CNTNAP2: variants seen among roughly 807,000 people sequenced by gnomAD.
The protein encoded by CNTNAP2 is contactin-associated protein-like 2.
In CNTNAP2, 98 loss-of-function variants were observed where a neutral mutation model predicts 155.2. That is an observed-to-expected ratio of 0.63 (90% CI 0.54 to 0.75). The LOEUF is 0.75. Ranked by LOEUF, CNTNAP2 falls within the 30% of genes least tolerant of loss-of-function variation. The pLI is 0.00. For synonymous variants in CNTNAP2, 651 were observed against 631.2 expected, an observed-to-expected ratio of 1.03 and a Z score of -0.47; for missense variants, 1,727 against 1,688.1, an observed-to-expected ratio of 1.02 and a Z score of -0.40.
intron 1 of CNTNAP2, among the ~76,000 whole-genome samples, chr7:146,567,968 G>C (rs1379378567): frequency 1.3e-5 from 2 of 152,116 alleles, no homozygotes; most frequent in East Asian, 3.8e-4. Flanking sequence ...ATATATTAAA[G>C]TGTTTTTCAA....
intron 3 of CNTNAP2, among the ~76,000 whole-genome samples, chr7:147,019,445 A>G (rs1041950609): frequency 2.6e-5 from 4 of 152,076 alleles, no homozygotes; most frequent in Non-Finnish European, 5.9e-5. Flanking sequence ...AAACAAACAC[A>G]AAGTAAATTC....
At chr7:146,974,962 A>G (rs1327730111) in intron 3 of CNTNAP2, among the ~76,000 whole-genome samples, 1 of 152,042 alleles carries the variant, frequency 6.6e-6, no homozygotes, top group East Asian at 1.9e-4. Flanking sequence ...ACAGAGAGAG[A>G]CTCTATCTAA....
At chr7:146,309,225 T>C (rs1346765212) in intron 1 of CNTNAP2, among the ~76,000 whole-genome samples, 4 of 152,142 alleles carry the variant, frequency 2.6e-5, no homozygotes, top group African/African-American at 7.2e-5. Flanking sequence ...GAGCGAGTCA[T>C]TTTGAAGGAT....
chr7:147,372,001 C>T (rs144576791), intron 9 of CNTNAP2, among the ~76,000 whole-genome samples: 132 of 152,144 alleles, frequency 8.7e-4, no homozygotes, highest in African/African-American at 3.2e-3. Flanking sequence ...AGTACGGTAG[C>T]CACCACAAAG....
intron 3 of CNTNAP2, among the ~76,000 whole-genome samples, chr7:146,923,384 T>C (rs1465721144): frequency 1.3e-5 from 2 of 152,172 alleles, no homozygotes; most frequent in Non-Finnish European, 2.9e-5. Context: ...TCTCTGCTAT[T>C]ATACAGCATT....
intron 1 of CNTNAP2, among the ~76,000 whole-genome samples, chr7:146,633,506 A>G (rs891716731): frequency 2.6e-5 from 4 of 152,168 alleles, no homozygotes; most frequent in South Asian, 2.1e-4. Context: ...CACAAGCTCC[A>G]TAACAGGCCA....
At chr7:147,264,968 G>A (rs1804573703) in intron 8 of CNTNAP2, among the ~76,000 whole-genome samples, 1 of 152,042 alleles carries the variant, frequency 6.6e-6, no homozygotes, top group Admixed American at 6.5e-5. Context: ...TAAGCCTTCT[G>A]CGAAGTTCAA....
chr7:146,393,886 A>G (rs1411812042), intron 1 of CNTNAP2, among the ~76,000 whole-genome samples: 1 of 152,166 alleles, frequency 6.6e-6, no homozygotes, highest in East Asian at 1.9e-4. Context: ...TGTAGCCTCC[A>G]TATTTTGTTC....
At chr7:146,393,744 T>A (rs1211589777) in intron 1 of CNTNAP2, among the ~76,000 whole-genome samples, 1 of 113,138 alleles carries the variant, frequency 8.8e-6, no homozygotes, top group African/African-American at 4.2e-5. Flanking sequence ...CATTTAATCA[T>A]TTTTTTTTTC....
intron 3 of CNTNAP2, among the ~76,000 whole-genome samples, chr7:146,856,298 A>G (rs1213319514): frequency 3.8e-5 from 4 of 104,538 alleles, no homozygotes; most frequent in African/African-American, 2.2e-4. Context: ...AGATAGATAG[A>G]TACATACATA....
intron 8 of CNTNAP2, among the ~76,000 whole-genome samples, chr7:147,254,327 A>C (rs754786541): frequency 1.6e-4 from 25 of 152,186 alleles, no homozygotes; most frequent in Admixed American, 7.2e-4. Flanking sequence ...ATTACATCAG[A>C]ATGACAAAAA....
intron 1 of CNTNAP2, among the ~76,000 whole-genome samples, chr7:146,483,266 A>C (rs1584945753): frequency 1.9e-5 from 2 of 106,468 alleles, no homozygotes; most frequent in Admixed American, 1.1e-4. Flanking sequence ...ACAGAGCAAG[A>C]CTCCGTCTAA....
chr7:146,475,010 C>CGT (rs1322003740), intron 1 of CNTNAP2, among the ~76,000 whole-genome samples: 7 of 129,958 alleles, frequency 5.4e-5, no homozygotes, highest in Admixed American at 8.4e-5. Context: ...CGCGCGCGCG[C>CGT]GCGCACACAC....
chr7:148,228,413 G>C (rs552797421), intron 19 of CNTNAP2, among the ~76,000 whole-genome samples: 1 of 152,134 alleles, frequency 6.6e-6, no homozygotes, highest in Non-Finnish European at 1.5e-5. Context: ...AGGGCAAAAA[G>C]GGACTCAGGG....
intron 1 of CNTNAP2, among the ~76,000 whole-genome samples, chr7:146,403,520 T>C (rs1463927034): frequency 6.6e-6 from 1 of 152,178 alleles, no homozygotes; most frequent in African/African-American, 2.4e-5. Context: ...TTTGATCAGT[T>C]TCTAATTAAT....
intron 13 of CNTNAP2, among the ~76,000 whole-genome samples, chr7:147,797,860 C>T (rs1006763716): frequency 6.6e-6 from 1 of 151,994 alleles, no homozygotes; most frequent in Non-Finnish European, 1.5e-5. Context: ...AACACTAAAA[C>T]AAATAGATTA....
chr7:147,921,928 G>C (rs956400628), intron 14 of CNTNAP2, among the ~76,000 whole-genome samples: 2 of 152,182 alleles, frequency 1.3e-5, no homozygotes, highest in African/African-American at 4.8e-5. Flanking sequence ...GCTGAGACAT[G>C]TGGTGGGATT....
intron 3 of CNTNAP2, among the ~76,000 whole-genome samples, chr7:146,901,790 C>T (rs1268456970): frequency 6.6e-6 from 1 of 150,898 alleles, no homozygotes; most frequent in East Asian, 1.9e-4. Flanking sequence ...GTTTATTCTT[C>T]TACTTTTACT....
chr7:147,450,234 C>T (rs1250606673), intron 10 of CNTNAP2, among the ~76,000 whole-genome samples: 1 of 152,166 alleles, frequency 6.6e-6, no homozygotes, highest in Non-Finnish European at 1.5e-5. Context: ...CACTCAAATG[C>T]CATTCCTGAC....
Sources: gnomAD v4.1 joint callset for allele counts (sites outside exome capture counted in the v4.1 genomes callset) on GRCh38, gnomAD v4.1.1 for gene constraint, MANE v1.5 for transcripts, NCBI Gene and HGNC (gene_info 2026-07-23, HGNC 2026-07-21) for gene names.